The following EFCAB14 variants were observed in gnomAD, a reference collection of about 807,000 sequenced individuals.
EFCAB14 encodes EF-hand calcium binding domain 14, also known as EF-hand calcium-binding domain-containing protein 14.
A neutral mutation model predicts 56.5 loss-of-function variants in EFCAB14; 43 were observed. The ratio of observed to expected loss-of-function variants is 0.76; its 90% CI spans 0.60 to 0.98. The LOEUF is 0.98. Among genes scored for constraint, EFCAB14 ranks in the 50% least tolerant of loss-of-function variants. EFCAB14 has a pLI of 0.00. For synonymous variants in EFCAB14, 235 were observed against 212.9 expected (o/e 1.10, Z -0.90); for missense variants, 538 against 580.3 (o/e 0.93, Z 0.75).
intron 1 of EFCAB14, 58 bp from the exon 2 acceptor site, chr1:46,716,501 T>C: frequency 6.3e-7 from 1 of 1,582,610 alleles, no homozygotes; most frequent in South Asian, 1.1e-5. Flanking sequence ...TATAGCTTTA[T>C]TAGCAATAGT....
intron 2 of EFCAB14, among the ~76,000 whole-genome samples, chr1:46,709,009 G>C (rs1331344588): frequency 6.6e-6 from 1 of 150,756 alleles, no homozygotes; most frequent in African/African-American, 2.4e-5. Flanking sequence ...ACTAAAAACT[G>C]GCATAAAAGA....
At chr1:46,697,529 G>C (rs1677093759) in intron 3 of EFCAB14, among the ~76,000 whole-genome samples, 1 of 152,152 alleles carries the variant, frequency 6.6e-6, no homozygotes, top group Non-Finnish European at 1.5e-5. Context: ...TGAGAACACA[G>C]ATCTACCAAT....
intron 10 of EFCAB14, among the ~76,000 whole-genome samples, chr1:46,679,915 C>T (rs1474381444): frequency 1.3e-5 from 2 of 152,190 alleles, no homozygotes; most frequent in African/African-American, 4.8e-5. Context: ...TTTCTTATTA[C>T]CTAGTCCAGT....
rs145934943 is a variant in EFCAB14, at chr1:46,717,920, A to C, written c.168T>G (p.Asn56Lys). 8.7e-6 allele frequency: 14 copies of C among 1,613,534 alleles called. No individual in the cohort carries two copies. In the African/African-American group the frequency reaches 1.6e-4, roughly 18 times the overall value. ...CTACTCACTTGGCAAAGCGAGAGCG[A>C]TTTCCAACCACACCGAATTCCTCTT... ...EEEEEFGVVG[N>K]RSRFAKGDYL... Residue 56 changes from asparagine to lysine, a missense_variant, in exon 1 of 11, where the codon AAT becomes AAG. Coordinates refer to ENST00000371933, the MANE Select transcript of EFCAB14 (RefSeq NM_014774.3).
At chr1:46,712,425 G>C (rs1324982137) in intron 2 of EFCAB14, among the ~76,000 whole-genome samples, 1 of 151,648 alleles carries the variant, frequency 6.6e-6, no homozygotes, top group Non-Finnish European at 1.5e-5. Context: ...AAAGAATACT[G>C]AGCTAAGAGT....
chr1:46,684,962 T>C (rs147592829), intron 8 of EFCAB14: 142 of 180,552 alleles, frequency 7.9e-4, no homozygotes, highest in African/African-American at 3.2e-3. Flanking sequence ...TTCTAGGAGC[T>C]ATTTCACACT....
intron 2 of EFCAB14, among the ~76,000 whole-genome samples, chr1:46,715,239 C>T (rs1677370105): frequency 6.6e-6 from 1 of 152,096 alleles, no homozygotes; most frequent in African/African-American, 2.4e-5. Context: ...GATCTGTAGG[C>T]ACTTGAAGAA....
At chr1:46,685,682 T>C (rs1044131214) in intron 8 of EFCAB14, among the ~76,000 whole-genome samples, 1 of 152,242 alleles carries the variant, frequency 6.6e-6, no homozygotes, top group African/African-American at 2.4e-5. Flanking sequence ...AATTTATGTA[T>C]ACATGTGTAC....
chr1:46,697,048 C>T (rs757063263), intron 3 of EFCAB14, among the ~76,000 whole-genome samples: 22 of 152,278 alleles, frequency 1.4e-4, no homozygotes, highest in Non-Finnish European at 2.8e-4. Context: ...AATGTAATAC[C>T]TCAGTAATTT....
At chr1:46,704,270 G>A in intron 3 of EFCAB14, among the ~76,000 whole-genome samples, 1 of 151,814 alleles carries the variant, frequency 6.6e-6, no homozygotes, top group Non-Finnish European at 1.5e-5. Flanking sequence ...CTGGGAAATA[G>A]TGAGACCCTG....
chr1:46,715,577 G>A (rs1677374730), intron 2 of EFCAB14, among the ~76,000 whole-genome samples: 1 of 151,934 alleles, frequency 6.6e-6, no homozygotes. Context: ...TTCTCAAATG[G>A]CCCTGTGAGG....
chr1:46,714,586 G>A (rs1398800732), intron 2 of EFCAB14, among the ~76,000 whole-genome samples: 1 of 152,110 alleles, frequency 6.6e-6, no homozygotes. Context: ...GAGCCCAGGA[G>A]TTCGAGACCA....
At chr1:46,709,435 A>C (rs903563024) in intron 2 of EFCAB14, among the ~76,000 whole-genome samples, 1 of 152,026 alleles carries the variant, frequency 6.6e-6, no homozygotes, top group African/African-American at 2.4e-5. Flanking sequence ...CAGCCAGGAC[A>C]CTCGGACCAC....
At chr1:46,680,518 T>C (rs1433127285) in intron 10 of EFCAB14, among the ~76,000 whole-genome samples, 1 of 152,138 alleles carries the variant, frequency 6.6e-6, no homozygotes, top group Non-Finnish European at 1.5e-5. Flanking sequence ...ACACCCCAAA[T>C]AGGCAAATCC....
rs1245957636 is a variant in EFCAB14 at position 46,694,273 on chromosome 1, C to T, written c.579+2278G>A. ...AGCTTCTGCACAGCAAAAGAAACTA[C>T]CATCAGAGTGAACAGGCAACCTACA... On this transcript the variant is annotated intron_variant, in intron 4 of 10. Coordinates refer to ENST00000371933, the MANE Select transcript of EFCAB14 (RefSeq NM_014774.3). 6.6e-5 allele frequency among the ~76,000 whole-genome samples: 10 copies of T among 152,210 alleles called. No individual in the cohort carries two copies. In the East Asian group the frequency reaches 1.9e-3, roughly 29 times the overall value.
At chr1:46,688,611 C>A (rs1220507435) in intron 6 of EFCAB14, 67 bp from the exon 7 acceptor site, 1 of 1,342,468 alleles carries the variant, frequency 7.4e-7, no homozygotes, top group Non-Finnish European at 1.0e-6. Context: ...AGGCCAGCAG[C>A]ACCGAACAAC....
rs953949070 is a variant in EFCAB14, at chr1:46,675,581, A to G, written c.*2880T>C. ...TCAACTGTGACCGGCAGGACCAGCA[A>G]GGGGGGGTGTTGAAGGGGTTATGAA... is the stretch of plus-strand genomic sequence containing the variant. On this transcript the variant is annotated 3_prime_UTR_variant, in exon 11 of 11. Coordinates refer to ENST00000371933, the MANE Select transcript of EFCAB14 (RefSeq NM_014774.3). 2 of 152,550 alleles carry G rather than the reference A, an allele frequency of 1.3e-5. No individual in the cohort carries two copies. Among genetic ancestry groups the G allele is most frequent in the African/African-American group, 4.8e-5 (2 of 41,436 alleles). The allele number at this position is 152,550 out of a possible 1,614,324, so 9.4% of individuals were successfully genotyped here.
chr1:46,681,650 G>C (rs1054417786), intron 10 of EFCAB14, among the ~76,000 whole-genome samples: 3 of 142,676 alleles, frequency 2.1e-5, no homozygotes, highest in African/African-American at 5.2e-5. Flanking sequence ...CAAGTGGCTA[G>C]CTGAAGAGTT....
intron 1 of EFCAB14, 127 bp downstream of exon 1, chr1:46,717,776 C>A (rs1644420529): frequency 2.0e-6 from 2 of 991,604 alleles, no homozygotes; most frequent in Non-Finnish European, 2.9e-6. Context: ...CCGTTTTTCC[C>A]TCTTTGACTT....
Sources: allele counts gnomAD v4.1 joint callset (sites outside exome capture counted in the v4.1 genomes callset), GRCh38; gene constraint gnomAD v4.1.1; transcripts MANE v1.5; gene names NCBI Gene and HGNC (gene_info 2026-07-23, HGNC 2026-07-21).